The following LMX1B variants were observed in gnomAD, a reference collection of about 807,000 sequenced individuals.
LMX1B encodes LIM homeobox transcription factor 1-beta.
In LMX1B, 12 loss-of-function variants were observed where a neutral mutation model predicts 51.4. The observed-to-expected ratio is 0.23, with a 90% CI of 0.15 to 0.38. The LOEUF is 0.38. Among genes scored for constraint, LMX1B ranks in the 10% least tolerant of loss-of-function variants. The probability of loss-of-function intolerance (pLI) is 1.00; values close to 1 mark genes in which losing one functional copy is unlikely to be tolerated. For synonymous variants in LMX1B, 237 were observed against 235.4 expected, an observed-to-expected ratio of 1.01 and a Z score of -0.06; for missense variants, 445 against 571.1, an observed-to-expected ratio of 0.78 and a Z score of 2.25.
At position 126,654,221 on chromosome 9, in the gene LMX1B, A is replaced by G. The variant is rs1266710853; in HGVS notation, c.327-36615A>G. ...TCTTGGGCAGCTCCTGCCCTTGCGC[A>G]GGTTTCAGCTGAACGTCCTATCCCG... On this transcript the variant is annotated intron_variant, in intron 2 of 7. Coordinates refer to ENST00000373474, the MANE Select transcript of LMX1B (RefSeq NM_001174147.2). Among the ~76,000 whole-genome samples the G allele has an allele frequency of 2.6e-5, 4 of 152,160 alleles. No individual in the cohort carries two copies. The East Asian group carries it at 5.8e-4, about 22-fold the overall frequency.
chr9:126,629,834 TTGA>T (rs1279298973), intron 2 of LMX1B, among the ~76,000 whole-genome samples: 6 of 151,980 alleles, frequency 3.9e-5, no homozygotes, highest in Admixed American at 3.9e-4. Context: ...ACCCTAGATC[TTGA>T]TGAGACTTCC....
chr9:126,619,208 A>G (rs1351068482), intron 2 of LMX1B, among the ~76,000 whole-genome samples: 1 of 152,180 alleles, frequency 6.6e-6, no homozygotes, highest in African/African-American at 2.4e-5. Flanking sequence ...CAGTGGCCCA[A>G]CCGCTCTGCC....
chr9:126,693,631 C>T, intron 5 of LMX1B, 30 bp downstream of exon 5: 1 of 1,613,204 alleles, frequency 6.2e-7, no homozygotes, highest in Admixed American at 1.7e-5. Flanking sequence ...CCCCACTGGC[C>T]CCGGGTAGGG....
chr9:126,683,293 C>CCCG (rs1836711700), intron 2 of LMX1B, among the ~76,000 whole-genome samples: 1 of 151,640 alleles, frequency 6.6e-6, no homozygotes, highest in Admixed American at 6.6e-5. Context: ...GCCCGCGGCT[C>CCCG]CCGCCGCCGC....
intron 2 of LMX1B, among the ~76,000 whole-genome samples, chr9:126,622,838 C>T (rs1198554156): frequency 1.3e-5 from 2 of 152,208 alleles, no homozygotes; most frequent in East Asian, 3.9e-4. Flanking sequence ...AATGGGGATC[C>T]AGAATGTCTC....
Position 126,693,055 on chromosome 9 carries a change from A to G in LMX1B, c.560-87A>G, listed in dbSNP as rs113782126. On this transcript the variant is annotated intron_variant, in intron 3 of 7. Transcript: ENST00000373474. ...GTGTCAACAGAGGGGACAGGCTCCC[A>G]TCGGGCAGCAGGTTGCCGAAGGGGA... is the stretch of plus-strand genomic sequence containing the variant. 3.3e-3 allele frequency: 4,546 copies of G among 1,374,840 alleles called. 26 individuals carry two copies. The highest frequency in any genetic ancestry group is 0.016 in the African/African-American group (1,125 of 69,800). 85.2% of individuals were successfully genotyped at this position (1,374,840 alleles called of 1,614,324 possible).
rs1376061281 is a variant in LMX1B, at chr9:126,699,850, TG to T, written c.*3402del. 2.0e-5 allele frequency: 3 copies of T among 152,328 alleles called. No individual in the cohort carries two copies. The highest frequency in any genetic ancestry group is 4.4e-5 in the Non-Finnish European group (3 of 68,158). The allele number at this position is 152,328 out of a possible 1,614,324, so 9.4% of individuals were successfully genotyped here. A position where few individuals can be genotyped will look rare whatever the true frequency, so the allele number is the denominator to read the frequency against. ...AGGAGCTGCAGCCTTGGCTGGGAGC[TG>T]GGCGGGGAGTAGCCAGGACCACCCC... On this transcript the variant is annotated 3_prime_UTR_variant, in exon 8 of 8. Transcript: ENST00000373474.
In LMX1B at chr9:126,625,114, A is replaced by C. The variant is rs945770611; in HGVS notation, c.326+9545A>C. On this transcript the variant is annotated intron_variant, in intron 2 of 7. Coordinates refer to ENST00000373474, the MANE Select transcript of LMX1B (RefSeq NM_001174147.2). This position sits in a 1 kb window ranked among gnomAD's most constrained non-coding sequence, Gnocchi z 5.3. ...ACTTGCCATCCTAATCCCCTTATTC[A>C]TGTCAAGCACAGAAAAGAAGCCGAG... Among the ~76,000 whole-genome samples the C allele has an allele frequency of 1.2e-4, 18 of 152,176 alleles. No homozygotes were observed. Among genetic ancestry groups the C allele is most frequent in the African/African-American group, 4.3e-4 (18 of 41,436 alleles).
chr9:126,695,052 T>G lies in LMX1B; in HGVS notation c.887-787T>G, dbSNP rs1236536522. Among the ~76,000 whole-genome samples, 1 of 152,156 alleles carries G rather than the reference T, an allele frequency of 6.6e-6. No individual in the cohort carries two copies. Among genetic ancestry groups the G allele is most frequent in the Non-Finnish European group, 1.5e-5 (1 of 68,002 alleles). On this transcript the variant is annotated intron_variant, in intron 6 of 7. Transcript: ENST00000373474. The surrounding 1 kb of genome is among the most constrained non-coding windows in gnomAD (Gnocchi z 5.2). ...TCCCCATCCCACACTGCTGATCCAC[T>G]GAGGTGCCAAGTTGGGGAGTGAAGT...
intron 2 of LMX1B, among the ~76,000 whole-genome samples, chr9:126,633,168 C>T (rs1370975223): frequency 6.6e-6 from 1 of 152,214 alleles, no homozygotes; most frequent in African/African-American, 2.4e-5. Flanking sequence ...GCCCCACCCC[C>T]GTCCTCCAGG....
intron 2 of LMX1B, among the ~76,000 whole-genome samples, chr9:126,687,835 AGTGGCTGGCTCCATAGTCCTCC>A (rs1391352451): frequency 1.3e-5 from 2 of 152,176 alleles, no homozygotes; most frequent in African/African-American, 4.8e-5. Context: ...CCTTCTTCTC[AGTGGCTGGCTCCATAGTCCTCC>A]GTGGTGGGAG....
chr9:126,696,577 T>A lies in LMX1B; in HGVS notation c.*126T>A. On this transcript the variant is annotated 3_prime_UTR_variant, in exon 8 of 8. Transcript: ENST00000373474. Reference sequence around the variant, plus strand: ...CAGACAGCCATACGGTGCCCTCCCCTCGGCCAGCTGGGCCTGACCACTGTG... The same window carrying A: ...CAGACAGCCATACGGTGCCCTCCCCACGGCCAGCTGGGCCTGACCACTGTG... 8.7e-7 allele frequency: 1 copy of A among 1,150,666 alleles called. No individual in the cohort carries two copies. Among genetic ancestry groups the A allele is most frequent in the Non-Finnish European group, 1.3e-6 (1 of 790,080 alleles). 71.3% of individuals were successfully genotyped at this position (1,150,666 alleles called of 1,614,324 possible). A position where few individuals can be genotyped will look rare whatever the true frequency, so the allele number is the denominator to read the frequency against.
At chr9:126,683,321 G>GC (rs1836712852) in intron 2 of LMX1B, among the ~76,000 whole-genome samples, 1 of 151,906 alleles carries the variant, frequency 6.6e-6, no homozygotes, top group Non-Finnish European at 1.5e-5. Flanking sequence ...GCCCGCGGCC[G>GC]CCGCATCAAA....
Position 126,625,834 on chromosome 9 carries a change from G to T in LMX1B, c.326+10265G>T, listed in dbSNP as rs1296929175. Among the ~76,000 whole-genome samples, 3 of 152,214 alleles carry T rather than the reference G, an allele frequency of 2.0e-5. No homozygotes were observed. Among genetic ancestry groups the T allele is most frequent in the Admixed American group, 6.5e-5 (1 of 15,290 alleles). ...CCGCCGTGCCTGAGCCCCGCTGCCT[G>T]CTCGGACAAGCAGAACTCCGGCAGG... On this transcript the variant is annotated intron_variant, in intron 2 of 7. Transcript: ENST00000373474. This position sits in a 1 kb window ranked among gnomAD's most constrained non-coding sequence, Gnocchi z 5.3.
At position 126,624,062 on chromosome 9, in the gene LMX1B, G is replaced by A. The variant is rs80054217; in HGVS notation, c.326+8493G>A. On this transcript the variant is annotated intron_variant, in intron 2 of 7. Coordinates refer to ENST00000373474, the MANE Select transcript of LMX1B (RefSeq NM_001174147.2). ...GGTTTAGCCCGGATTTGGGAACCGC[G>A]CGCTCTAATACGCGCACACGGTCCT... is the stretch of plus-strand genomic sequence containing the variant. 9.2e-3 allele frequency among the ~76,000 whole-genome samples: 1,399 copies of A among 152,360 alleles called. 24 individuals are homozygous for A. Among genetic ancestry groups the A allele is most frequent in the African/African-American group, 0.032 (1,314 of 41,590 alleles).
chr9:126,653,609 C>T (rs1333343386), intron 2 of LMX1B, among the ~76,000 whole-genome samples: 1 of 152,178 alleles, frequency 6.6e-6, no homozygotes, highest in South Asian at 2.1e-4. Flanking sequence ...AACACAGTGC[C>T]GACTGCACTT....
intron 2 of LMX1B, among the ~76,000 whole-genome samples, chr9:126,644,840 C>A (rs59028123): frequency 0.019 from 2,960 of 152,286 alleles, 95 homozygotes; most frequent in African/African-American, 0.067. Context: ...CTGGTGGAGA[C>A]AGGCGTGTTT....
In LMX1B at chr9:126,690,819, G is replaced by A. The variant is rs372620265; in HGVS notation, c.327-17G>A. ...ACTTCTGAGCACCGCCAACACGCCC[G>A]CTTTGTGCATCCGCAGGCTCTTCGC... On this transcript the variant is annotated splice_polypyrimidine_tract_variant and intron_variant, in intron 2 of 7. Transcript: ENST00000373474. 85 of 1,594,034 alleles carry A rather than the reference G, an allele frequency of 5.3e-5. No individual in the cohort carries two copies. In the African/African-American group the frequency reaches 9.0e-4, roughly 17 times the overall value.
At position 126,696,468 on chromosome 9, in the gene LMX1B, C is replaced by T. The variant is rs754093597; in HGVS notation, c.*17C>T. Reference sequence around the variant, plus strand: ...GCCTCCTGAGAGCCAGCCAGGCGCACGGACGCTTGGGCAGGGGCCTGGGGG... The same window carrying T: ...GCCTCCTGAGAGCCAGCCAGGCGCATGGACGCTTGGGCAGGGGCCTGGGGG... On this transcript the variant is annotated 3_prime_UTR_variant, in exon 8 of 8. Coordinates refer to ENST00000373474, the MANE Select transcript of LMX1B (RefSeq NM_001174147.2). 3.7e-6 allele frequency: 6 copies of T among 1,613,526 alleles called. No individual in the cohort carries two copies. The highest frequency in any genetic ancestry group is 1.3e-5 in the African/African-American group (1 of 75,054).
Sources: allele counts gnomAD v4.1 joint callset (sites outside exome capture counted in the v4.1 genomes callset), GRCh38; gene constraint gnomAD v4.1.1; non-coding constraint Gnocchi (gnomAD v3.1); transcripts MANE v1.5; gene names NCBI Gene and HGNC (gene_info 2026-07-23, HGNC 2026-07-21).